The following TBC1D22A variants were observed in gnomAD, a reference collection of about 807,000 sequenced individuals.
TBC1D22A encodes the protein putative GTPase activator.
In TBC1D22A, 38 loss-of-function variants were observed where a neutral mutation model predicts 60.2. The observed-to-expected ratio is 0.63, with a 90% CI of 0.49 to 0.83. The LOEUF (loss-of-function observed/expected upper bound fraction) is 0.83, where lower values mean the gene tolerates loss of function less well. TBC1D22A is among the 40% of genes least tolerant of loss of function. The pLI is 0.00. For synonymous variants in TBC1D22A, 302 were observed against 281.7 expected (o/e 1.07, Z -0.72); for missense variants, 628 against 701.0 (o/e 0.90, Z 1.18).
intron 12 of TBC1D22A, among the ~76,000 whole-genome samples, chr22:47,133,784 G>A (rs953470349): frequency 6.6e-6 from 1 of 152,188 alleles, no homozygotes; most frequent in Non-Finnish European, 1.5e-5. Context: ...TTTGCCATAC[G>A]TCATGCCAAT....
At chr22:47,023,273 A>G (rs111564754) in intron 10 of TBC1D22A, among the ~76,000 whole-genome samples, 44 of 152,244 alleles carry the variant, frequency 2.9e-4, no homozygotes, top group Admixed American at 9.8e-4. Flanking sequence ...TAGACTTTGT[A>G]CAAGAAAAGA....
At chr22:47,091,300 G>A (rs1411137147) in intron 11 of TBC1D22A, among the ~76,000 whole-genome samples, 1 of 72,750 alleles carries the variant, frequency 1.4e-5, no homozygotes, top group African/African-American at 6.5e-5. Context: ...ACGAGAAGTC[G>A]TCTTTGGGTG....
At chr22:46,912,372 C>T (rs1377681329) in intron 8 of TBC1D22A, among the ~76,000 whole-genome samples, 184 bp downstream of exon 8, 1 of 152,228 alleles carries the variant, frequency 6.6e-6, no homozygotes, top group Non-Finnish European at 1.5e-5. Context: ...ACATGCTCAA[C>T]TACTGAAGAC....
chr22:47,025,938 C>T (rs1022321238), intron 10 of TBC1D22A, among the ~76,000 whole-genome samples: 3 of 152,122 alleles, frequency 2.0e-5, no homozygotes, highest in Admixed American at 6.5e-5. Flanking sequence ...TAGAGGGAAA[C>T]GTATAGTGTT....
Position 46,990,509 on chromosome 22 carries a change from G to C in TBC1D22A, c.1126-7125G>C, listed in dbSNP as rs1014125638. ...GTGTTACAATTGAGGAGCCAATATC[G>C]ATACATTATTGTCAACTAAAGTCCA... On this transcript the variant is annotated intron_variant, in intron 9 of 12. Coordinates refer to ENST00000337137, the MANE Select transcript of TBC1D22A (RefSeq NM_014346.5). The surrounding 1 kb of genome is among the most constrained non-coding windows in gnomAD (Gnocchi z 4.6). 1.3e-5 allele frequency among the ~76,000 whole-genome samples: 2 copies of C among 152,030 alleles called. No homozygotes were observed. Among genetic ancestry groups the C allele is most frequent in the African/African-American group, 4.8e-5 (2 of 41,376 alleles).
At chr22:47,066,587 A>C (rs903240680) in intron 11 of TBC1D22A, among the ~76,000 whole-genome samples, 2 of 152,208 alleles carry the variant, frequency 1.3e-5, no homozygotes, top group Non-Finnish European at 2.9e-5. Context: ...TGTGTCCACT[A>C]TAAGGTATTC....
intron 4 of TBC1D22A, among the ~76,000 whole-genome samples, chr22:46,867,542 G>A (rs113322352): frequency 0.021 from 3,138 of 152,310 alleles, 118 homozygotes; most frequent in African/African-American, 0.072. Context: ...GTTAACCATT[G>A]GAAGAAGTGG....
chr22:47,166,809 A>G (rs1601743992), intron 12 of TBC1D22A, among the ~76,000 whole-genome samples: 1 of 152,252 alleles, frequency 6.6e-6, no homozygotes, highest in African/African-American at 2.4e-5. Flanking sequence ...CCTGGACCTC[A>G]GGCCCATTTG....
intron 12 of TBC1D22A, among the ~76,000 whole-genome samples, chr22:47,136,340 C>G (rs1181365692): frequency 1.3e-5 from 2 of 152,236 alleles, no homozygotes; most frequent in Admixed American, 6.5e-5. Flanking sequence ...CGGTCTCCCC[C>G]CAACCTCAAG....
chr22:46,933,628 G>T (rs1163721559), intron 8 of TBC1D22A, among the ~76,000 whole-genome samples: 1 of 152,188 alleles, frequency 6.6e-6, no homozygotes, highest in East Asian at 1.9e-4. Flanking sequence ...AGACCACTGG[G>T]GGGGGGTTGG....
chr22:46,941,744 A>G (rs1001835918), intron 8 of TBC1D22A, among the ~76,000 whole-genome samples: 65 of 147,912 alleles, frequency 4.4e-4, no homozygotes, highest in African/African-American at 1.6e-3. Flanking sequence ...CGGAATATAT[A>G]TATGCGGAAT....
intron 12 of TBC1D22A, among the ~76,000 whole-genome samples, chr22:47,161,001 G>T (rs932807797): frequency 6.6e-6 from 1 of 152,168 alleles, no homozygotes; most frequent in Non-Finnish European, 1.5e-5. Flanking sequence ...AAAAACTGAG[G>T]TTTCCAGGGT....
chr22:47,159,213 A>G (rs955304288), intron 12 of TBC1D22A, among the ~76,000 whole-genome samples: 1 of 149,592 alleles, frequency 6.7e-6, no homozygotes. Context: ...ACCATACACC[A>G]TGTATGCACA....
rs2064714856 is a variant in TBC1D22A, at chr22:47,086,882, A to G, written c.1330-24626A>G. On this transcript the variant is annotated intron_variant, in intron 11 of 12. Coordinates refer to ENST00000337137, the MANE Select transcript of TBC1D22A (RefSeq NM_014346.5). ...CCAAAAGATTAGTTGGAGAAAAGAA[A>G]AAATGCTGTATCTACAGGCCTGTTC... Among the ~76,000 whole-genome samples the G allele has an allele frequency of 3.3e-5, 5 of 152,242 alleles. No individual in the cohort carries two copies. The South Asian group carries it at 1.0e-3, about 32-fold the overall frequency.
chr22:47,000,106 G>A (rs1019538186), intron 10 of TBC1D22A, among the ~76,000 whole-genome samples: 1 of 152,218 alleles, frequency 6.6e-6, no homozygotes, highest in African/African-American at 2.4e-5. Context: ...TGATAATTCA[G>A]TGAAGGAAAA....
chr22:46,806,308 C>G (rs2085132756), intron 4 of TBC1D22A, among the ~76,000 whole-genome samples: 1 of 148,954 alleles, frequency 6.7e-6, no homozygotes, highest in African/African-American at 2.5e-5. Flanking sequence ...TAGTCAGTGA[C>G]ATGGCATTTA....
At position 47,021,806 on chromosome 22, in the gene TBC1D22A, T is replaced by C. The variant is rs142508459; in HGVS notation, c.1202-15265T>C. 9.9e-3 allele frequency among the ~76,000 whole-genome samples: 1,501 copies of C among 152,372 alleles called. 22 individuals carry two copies. The highest frequency in any genetic ancestry group is 0.035 in the African/African-American group (1,448 of 41,596). On this transcript the variant is annotated intron_variant, in intron 10 of 12. Coordinates refer to ENST00000337137, the MANE Select transcript of TBC1D22A (RefSeq NM_014346.5). ...AGGACAAATAATCCCACAGAGTCCC[T>C]GTCTCCCTCCCGCCCCAGTGCTGGG...
intron 11 of TBC1D22A, among the ~76,000 whole-genome samples, chr22:47,043,547 A>G (rs2062921047): frequency 6.6e-6 from 1 of 152,210 alleles, no homozygotes; most frequent in South Asian, 2.1e-4. Context: ...GCAGTCAGCA[A>G]GAGTGCGATA....
At chr22:47,020,803 C>T (rs779495890) in intron 10 of TBC1D22A, among the ~76,000 whole-genome samples, 2 of 151,948 alleles carry the variant, frequency 1.3e-5, no homozygotes, top group Non-Finnish European at 1.5e-5. Flanking sequence ...TAATTCTAAT[C>T]GATGGAACAT....
Sources: allele counts gnomAD v4.1 joint callset (sites outside exome capture counted in the v4.1 genomes callset), GRCh38; gene constraint gnomAD v4.1.1; non-coding constraint Gnocchi (gnomAD v3.1); transcripts MANE v1.5; gene names NCBI Gene and HGNC (gene_info 2026-07-23, HGNC 2026-07-21).